The following L3MBTL4 variants were observed in gnomAD, a reference collection of about 807,000 sequenced individuals.
The protein encoded by L3MBTL4 is lethal(3)malignant brain tumor-like protein 4.
A neutral mutation model predicts 84.5 loss-of-function variants in L3MBTL4; 70 were observed. The ratio of observed to expected loss-of-function variants is 0.83; its 90% CI spans 0.68 to 1.01. The LOEUF (loss-of-function observed/expected upper bound fraction) is 1.01. Among genes scored for constraint, L3MBTL4 ranks in the 50% least tolerant of loss-of-function variants. The pLI, the probability that L3MBTL4 is intolerant of heterozygous loss-of-function variation, is 0.00. For missense variants in L3MBTL4, 715 were observed against 754.8 expected, an observed-to-expected ratio of 0.95 and a Z score of 0.62; for synonymous variants, 274 against 259.8, an observed-to-expected ratio of 1.05 and a Z score of -0.52.
In L3MBTL4 at chr18:6,160,909, A is replaced by G. The variant is rs376142840; in HGVS notation, c.1096+10919T>C. On this transcript the variant is annotated intron_variant, in intron 13 of 18. Coordinates refer to ENST00000317931, the MANE Select transcript of L3MBTL4 (RefSeq NM_001330559.2). ...GGTAATCTGTGTGTGAATAATTACC[A>G]ATATAGTAAAAGAAATGAGCTCCAT... Among the ~76,000 whole-genome samples, 133 of 152,276 alleles carry G rather than the reference A, an allele frequency of 8.7e-4. No individual in the cohort carries two copies. The South Asian group carries it at 0.013, about 15-fold the overall frequency.
intron 14 of L3MBTL4, among the ~76,000 whole-genome samples, chr18:6,105,695 G>A (rs1183311244): frequency 6.6e-6 from 1 of 151,480 alleles, no homozygotes; most frequent in Non-Finnish European, 1.5e-5. Flanking sequence ...AGCTACTCTG[G>A]AGGCTAAGCC....
At chr18:6,112,857 A>G (rs530057936) in intron 14 of L3MBTL4, among the ~76,000 whole-genome samples, 6 of 152,190 alleles carry the variant, frequency 3.9e-5, no homozygotes, top group Non-Finnish European at 8.8e-5. Context: ...TAAATTAATG[A>G]AAGGTAATCT....
At chr18:6,348,977 A>C (rs1417001352) in intron 1 of L3MBTL4, among the ~76,000 whole-genome samples, 1 of 152,222 alleles carries the variant, frequency 6.6e-6, no homozygotes, top group Non-Finnish European at 1.5e-5. Context: ...TCAACAGGAA[A>C]ATTCTAATTA....
At chr18:6,083,251 G>A (rs2143343759) in intron 15 of L3MBTL4, among the ~76,000 whole-genome samples, 1 of 152,316 alleles carries the variant, frequency 6.6e-6, no homozygotes, top group African/African-American at 2.4e-5. Context: ...GGCCAGTGGG[G>A]TCTTCAGAGA....
intron 10 of L3MBTL4, among the ~76,000 whole-genome samples, chr18:6,234,623 T>C (rs1443147112): frequency 6.6e-6 from 1 of 152,170 alleles, no homozygotes; most frequent in African/African-American, 2.4e-5. Flanking sequence ...TGAGATGCCA[T>C]CTCATGCCAG....
intron 1 of L3MBTL4, among the ~76,000 whole-genome samples, chr18:6,317,706 C>G (rs2051180468): frequency 6.6e-6 from 1 of 152,098 alleles, no homozygotes. Context: ...GAATACATCC[C>G]TGGTCTTGCT....
At position 6,218,781 on chromosome 18, in the gene L3MBTL4, C is replaced by T. The variant is rs140455116; in HGVS notation, c.785-2946G>A. Among the ~76,000 whole-genome samples, 410 of 152,242 alleles carry T rather than the reference C, an allele frequency of 2.7e-3. 2 individuals carry two copies. The highest frequency in any genetic ancestry group is 9.4e-3 in the African/African-American group (392 of 41,540). On this transcript the variant is annotated intron_variant, in intron 10 of 18. Transcript: ENST00000317931. Reference sequence around the variant, plus strand: ...GGAGAGTTGCAAAAGCCACGTACTCCAACTTTCTTCCTTCCGACCCCAGCC... The same window carrying T: ...GGAGAGTTGCAAAAGCCACGTACTCTAACTTTCTTCCTTCCGACCCCAGCC...
intron 1 of L3MBTL4, among the ~76,000 whole-genome samples, chr18:6,393,354 T>C (rs1013066422): frequency 2.0e-5 from 3 of 152,166 alleles, no homozygotes; most frequent in African/African-American, 4.8e-5. Context: ...GGCTCCTGGA[T>C]TGTGTTCTAT....
chr18:6,389,901 T>A (rs1453072635), intron 1 of L3MBTL4, among the ~76,000 whole-genome samples: 3 of 152,072 alleles, frequency 2.0e-5, no homozygotes, highest in African/African-American at 7.2e-5. Context: ...CAAGACAGAA[T>A]GTCAACAAAG....
chr18:6,068,676 G>C (rs1475858130), intron 16 of L3MBTL4, among the ~76,000 whole-genome samples: 1 of 152,164 alleles, frequency 6.6e-6, no homozygotes, highest in Non-Finnish European at 1.5e-5. Context: ...CATTCCTCTG[G>C]GAGAAGCCCC....
intron 1 of L3MBTL4, among the ~76,000 whole-genome samples, chr18:6,332,495 C>A (rs1487982703): frequency 6.6e-6 from 1 of 152,196 alleles, no homozygotes; most frequent in African/African-American, 2.4e-5. Context: ...AATTTACCCT[C>A]CTGGCCACAG....
chr18:6,025,055 G>A (rs956041301), intron 16 of L3MBTL4: 2 of 152,138 alleles, frequency 1.3e-5, no homozygotes, highest in Non-Finnish European at 2.9e-5. Flanking sequence ...CAGCACCTCA[G>A]GGAGATCATA....
intron 5 of L3MBTL4, among the ~76,000 whole-genome samples, chr18:6,262,146 G>A (rs1256523250): frequency 6.6e-6 from 1 of 152,116 alleles, no homozygotes; most frequent in African/African-American, 2.4e-5. Context: ...GTGTCACAGT[G>A]CCTGATAGTT....
chr18:6,368,231 G>A (rs2054014256), intron 1 of L3MBTL4, among the ~76,000 whole-genome samples: 1 of 151,818 alleles, frequency 6.6e-6, no homozygotes, highest in Non-Finnish European at 1.5e-5. Context: ...ATGACTCACA[G>A]TGAGGCGGCC....
At chr18:6,160,866 C>G (rs1021130530) in intron 13 of L3MBTL4, among the ~76,000 whole-genome samples, 1 of 152,022 alleles carries the variant, frequency 6.6e-6, no homozygotes, top group Non-Finnish European at 1.5e-5. Context: ...ACTGGACATC[C>G]CATTGTCCAA....
intron 14 of L3MBTL4, among the ~76,000 whole-genome samples, chr18:6,130,050 T>C (rs1429199631): frequency 6.6e-6 from 1 of 152,248 alleles, no homozygotes; most frequent in African/African-American, 2.4e-5. Context: ...TATTATACTC[T>C]TTAGTGAATA....
At chr18:6,394,027 G>A (rs2055167995) in intron 1 of L3MBTL4, among the ~76,000 whole-genome samples, 1 of 143,694 alleles carries the variant, frequency 7.0e-6, no homozygotes, top group African/African-American at 2.6e-5. Context: ...TGCTCCTTCT[G>A]TCTGGAACTC....
At chr18:6,211,816 T>C (rs1193664304) in intron 12 of L3MBTL4, among the ~76,000 whole-genome samples, 3 of 152,088 alleles carry the variant, frequency 2.0e-5, no homozygotes, top group African/African-American at 4.8e-5. Context: ...ACCCAGCTAA[T>C]TTTTGTATTT....
chr18:6,038,411 G>A (rs946256956), intron 16 of L3MBTL4, among the ~76,000 whole-genome samples: 1 of 151,872 alleles, frequency 6.6e-6, no homozygotes, highest in African/African-American at 2.4e-5. Flanking sequence ...CCGCCACCGC[G>A]ACCGGTTAAC....
Sources: gnomAD v4.1 joint callset for allele counts (sites outside exome capture counted in the v4.1 genomes callset) on GRCh38, gnomAD v4.1.1 for gene constraint, MANE v1.5 for transcripts, NCBI Gene and HGNC (gene_info 2026-07-23, HGNC 2026-07-21) for gene names.